IL17RA: variants seen among roughly 807,000 people sequenced by gnomAD.
The protein encoded by IL17RA is interleukin-17 receptor A.
A neutral mutation model predicts 50.4 loss-of-function variants in IL17RA; 34 were observed. That is an observed-to-expected ratio of 0.67 (90% CI 0.51 to 0.90). The LOEUF (loss-of-function observed/expected upper bound fraction) is 0.90, where lower values mean the gene tolerates loss of function less well. IL17RA is among the 40% of genes least tolerant of loss of function. IL17RA has a pLI of 0.00. For synonymous variants in IL17RA, 585 were observed against 510.4 expected (o/e 1.15, Z -1.97); for missense variants, 1,276 against 1,169.8 (o/e 1.09, Z -1.32).
chr22:17,115,403 T>C lies in IL17RA; in HGVS notation c.*5583T>C, dbSNP rs1417162905. Reference sequence around the variant, plus strand: ...TAAATAATGACATAGTTCCAGTTGATGGCCAAAGCCACAGCTAACGAGAGG... The same window carrying C: ...TAAATAATGACATAGTTCCAGTTGACGGCCAAAGCCACAGCTAACGAGAGG... On this transcript the variant is annotated 3_prime_UTR_variant, in exon 13 of 13. Transcript: ENST00000319363. 6.6e-6 allele frequency: 1 copy of C among 152,260 alleles called. No individual in the cohort carries two copies. Among genetic ancestry groups the C allele is most frequent in the Non-Finnish European group, 1.5e-5 (1 of 68,046 alleles). The allele number at this position is 152,260 out of a possible 1,614,324, so 9.4% of individuals were successfully genotyped here. A position where few individuals can be genotyped will look rare whatever the true frequency, so the allele number is the denominator to read the frequency against.
intron 8 of IL17RA, 123 bp downstream of exon 8, chr22:17,103,700 T>G (rs2061400402): frequency 2.6e-6 from 2 of 768,982 alleles, no homozygotes; most frequent in East Asian, 2.8e-5. Context: ...TGTGCACAGG[T>G]GGAGAGAGTG....
rs1223441618 is a variant in IL17RA, at chr22:17,109,197, C to T, written c.1978C>T (p.Pro660Ser). ...ACCTCACCTGCAGCCCCGGGGTCAG[C>T]CAGCGCCGCAGCCCCTCCACACCCT... Reference protein sequence around the residue: ...LEPHLQPRGQPAPQPLHTLVL... With the variant: ...LEPHLQPRGQSAPQPLHTLVL... Residue 660 changes from proline to serine, a missense_variant, in exon 13 of 13, where the codon CCA (proline) becomes TCA (serine). Pro to Ser is a moderately conservative substitution (Grantham distance 74). Coordinates refer to ENST00000319363, the MANE Select transcript of IL17RA (RefSeq NM_014339.7). The T allele has an allele frequency of 1.3e-6, 2 of 1,512,298 alleles. No homozygotes were observed. Among genetic ancestry groups the T allele is most frequent in the Non-Finnish European group, 1.8e-6 (2 of 1,135,464 alleles). The allele number at this position is 1,512,298 out of a possible 1,614,324, so 93.7% of individuals were successfully genotyped here. A position where few individuals can be genotyped will look rare whatever the true frequency, so the allele number is the denominator to read the frequency against.
At position 17,114,494 on chromosome 22, in the gene IL17RA, C is replaced by T. The variant is rs1035685615; in HGVS notation, c.*4674C>T. 1 of 152,276 alleles carries T rather than the reference C, an allele frequency of 6.6e-6. No individual in the cohort carries two copies. Among genetic ancestry groups the T allele is most frequent in the African/African-American group, 2.4e-5 (1 of 41,416 alleles). 9.4% of individuals were successfully genotyped at this position (152,276 alleles called of 1,614,324 possible). A position where few individuals can be genotyped will look rare whatever the true frequency, so the allele number is the denominator to read the frequency against. On this transcript the variant is annotated 3_prime_UTR_variant, in exon 13 of 13. Coordinates refer to ENST00000319363, the MANE Select transcript of IL17RA (RefSeq NM_014339.7). ...GGAGTCCTTCCCAGGAGGAATAACCCCTTAGGTCATTGACTATAAGATGAG... is the reference window on the plus strand; with the variant it reads ...GGAGTCCTTCCCAGGAGGAATAACCTCTTAGGTCATTGACTATAAGATGAG...
At chr22:17,092,829 AATG>A (rs2061352735) in intron 1 of IL17RA, among the ~76,000 whole-genome samples, 1 of 152,012 alleles carries the variant, frequency 6.6e-6, no homozygotes, top group Non-Finnish European at 1.5e-5. Context: ...TTGAATCTCT[AATG>A]ATCATATATT....
chr22:17,104,643 C>G, intron 8 of IL17RA, 83 bp from the exon 9 acceptor site: 1 of 1,256,154 alleles, frequency 8.0e-7, no homozygotes, highest in Non-Finnish European at 1.2e-6. Context: ...CCAGGATCCC[C>G]TCCTCTCACA....
At chr22:17,085,391 G>T in intron 1 of IL17RA, 162 bp downstream of exon 1, 3 of 913,254 alleles carry the variant, frequency 3.3e-6, no homozygotes, top group Non-Finnish European at 3.9e-6. Flanking sequence ...ATATCGCGGC[G>T]CCTGGGGAGG....
rs1056749955 is a variant in IL17RA, at chr22:17,111,108, G to C, written c.*1288G>C. The C allele has an allele frequency of 1.3e-5, 2 of 152,084 alleles. No homozygotes were observed. Among genetic ancestry groups the C allele is most frequent in the Non-Finnish European group, 2.9e-5 (2 of 68,066 alleles). 9.4% of individuals were successfully genotyped at this position (152,084 alleles called of 1,614,324 possible). On this transcript the variant is annotated 3_prime_UTR_variant, in exon 13 of 13. Coordinates refer to ENST00000319363, the MANE Select transcript of IL17RA (RefSeq NM_014339.7). ...GTGGGGGGATGTCGCCAGAGCTCAG[G>C]GGTGGGGACAGCCTTGTGCGCATCA...
chr22:17,097,778 G>T lies in IL17RA; in HGVS notation c.164-19G>T. 9 of 1,613,976 alleles carry T rather than the reference G, an allele frequency of 5.6e-6. No individual in the cohort carries two copies. Among genetic ancestry groups the T allele is most frequent in the Non-Finnish European group, 7.6e-6 (9 of 1,180,044 alleles). On this transcript the variant is annotated intron_variant, in intron 2 of 12. Coordinates refer to ENST00000319363, the MANE Select transcript of IL17RA (RefSeq NM_014339.7). ...TCTCGGCTATAAGTCTCTGAATGTT[G>T]CTTTTCCCTGGCTGCCAGGTACCTG...
rs151315255 is a variant in IL17RA, at chr22:17,108,332, C to T, written c.1113C>T (p.Ile371=). 1.9e-6 allele frequency: 3 copies of T among 1,613,782 alleles called. No homozygotes were observed. The highest frequency in any genetic ancestry group is 1.7e-5 in the Admixed American group (1 of 60,004). Residue 371 remains isoleucine, a synonymous_variant, in exon 13 of 13, where the codon ATC becomes ATT. Coordinates refer to ENST00000319363, the MANE Select transcript of IL17RA (RefSeq NM_014339.7). ...YTDGLPAADL[I]PPPLKPRKVW... is the part of the protein sequence containing the mutation. The stretch of plus-strand genomic sequence containing the variant: ...ATGGCCTGCCTGCGGCTGACCTGAT[C>T]CCCCCACCGCTGAAGCCCAGGAAGG...
chr22:17,090,899 T>C (rs2061345605), intron 1 of IL17RA, among the ~76,000 whole-genome samples: 1 of 152,136 alleles, frequency 6.6e-6, no homozygotes, highest in Admixed American at 6.5e-5. Flanking sequence ...ATGTAACTAG[T>C]CTTAGTTTTG....
At position 17,108,354 on chromosome 22, in the gene IL17RA, A is replaced by G; in HGVS notation, c.1135A>G (p.Lys379Glu). Reference protein sequence around the residue: ...DLIPPPLKPRKVWIIYSADHP... With the variant: ...DLIPPPLKPREVWIIYSADHP... ...GATCCCCCCACCGCTGAAGCCCAGG[A>G]AGGTCTGGATCATCTACTCAGCCGA... The change falls in exon 13 of 13, where the codon AAG becomes GAG. Residue 379 changes from lysine to glutamate, a missense_variant. Coordinates refer to ENST00000319363, the MANE Select transcript of IL17RA (RefSeq NM_014339.7). The G allele has an allele frequency of 6.2e-7, 1 of 1,614,112 alleles. No individual in the cohort carries two copies. Among genetic ancestry groups the G allele is most frequent in the Non-Finnish European group, 8.5e-7 (1 of 1,180,008 alleles).
chr22:17,108,268 C>G lies in IL17RA; in HGVS notation c.1088-39C>G, dbSNP rs199993535. On this transcript the variant is annotated intron_variant, in intron 12 of 12. Transcript: ENST00000319363. ...GGCAGGCACAGAGCTGCCCTGGGCC[C>G]TGGGGTGAGGGTCAGCATGTGTGGT... 1.4e-4 allele frequency: 229 copies of G among 1,607,810 alleles called. 1 individual carries two copies. Among genetic ancestry groups the G allele is most frequent in the Non-Finnish European group, 9.4e-6 (11 of 1,175,570 alleles).
At position 17,098,750 on chromosome 22, in the gene IL17RA, GTCTTC is replaced by G. The variant is rs774547631; in HGVS notation, c.311-17_311-13del. The G allele has an allele frequency of 1.3e-5, 20 of 1,591,832 alleles. No individual in the cohort carries two copies. The African/African-American group carries it at 1.6e-4, about 13-fold the overall frequency. ...TGTCTTGGCTGATCTGCATCTGTTT[GTCTTC>G]TCTTCTCCCTCTCCTGCAGCCAGCA... On this transcript the variant is annotated intron_variant, in intron 3 of 12. Coordinates refer to ENST00000319363, the MANE Select transcript of IL17RA (RefSeq NM_014339.7).
chr22:17,093,146 T>A (rs1003799019), intron 1 of IL17RA, among the ~76,000 whole-genome samples: 17 of 152,208 alleles, frequency 1.1e-4, no homozygotes, highest in Non-Finnish European at 8.8e-5. Context: ...CTCAAATATC[T>A]GGTACTCCTT....
Position 17,085,245 on chromosome 22 carries a change from G to T in IL17RA, c.138+16G>T. ...CTCCCAGCCGGTGAGACTCGACGTG[G>T]GGAGCGGTAGCCGCCAGGATGCTGC... On this transcript the variant is annotated intron_variant, in intron 1 of 12. Transcript: ENST00000319363. 1 of 1,538,018 alleles carries T rather than the reference G, an allele frequency of 6.5e-7. No individual in the cohort carries two copies. The highest frequency in any genetic ancestry group is 1.2e-5 in the South Asian group (1 of 83,408).
chr22:17,109,698 C>A lies in IL17RA; in HGVS notation c.2479C>A (p.Pro827Thr). The change falls in exon 13 of 13, where the codon CCA becomes ACA. Residue 827 changes from proline (P) to threonine (T), a missense_variant. By Grantham distance (38) the Pro-to-Thr change is conservative. Transcript: ENST00000319363. Reference protein sequence around the residue: ...EEQDPGKPALPLSPEDLESLR... With the variant: ...EEQDPGKPALTLSPEDLESLR... The stretch of plus-strand genomic sequence containing the variant: ...GCAGGACCCAGGGAAGCCGGCCCTG[C>A]CACTCTCTCCCGAGGACCTGGAGAG... The A allele has an allele frequency of 5.6e-6, 9 of 1,593,720 alleles. No individual in the cohort carries two copies. Among genetic ancestry groups the A allele is most frequent in the Non-Finnish European group, 7.7e-6 (9 of 1,171,064 alleles).
At chr22:17,107,100 C>T (rs2061417887) in intron 11 of IL17RA, among the ~76,000 whole-genome samples, 1 of 152,192 alleles carries the variant, frequency 6.6e-6, no homozygotes, top group Non-Finnish European at 1.5e-5. Flanking sequence ...GTTTTTTCAT[C>T]ACATCTCTGA....
chr22:17,090,243 C>T (rs1321131412), intron 1 of IL17RA, among the ~76,000 whole-genome samples: 1 of 152,108 alleles, frequency 6.6e-6, no homozygotes, highest in African/African-American at 2.4e-5. Context: ...AGGCCAGTCT[C>T]GAACTCCTGA....
rs2061457245 is a variant in IL17RA at position 17,114,144 on chromosome 22, A to G, written c.*4324A>G. 1 of 152,202 alleles carries G rather than the reference A, an allele frequency of 6.6e-6. No homozygotes were observed. Among genetic ancestry groups the G allele is most frequent in the Non-Finnish European group, 1.5e-5 (1 of 68,038 alleles). 9.4% of individuals were successfully genotyped at this position (152,202 alleles called of 1,614,324 possible). A position where few individuals can be genotyped will look rare whatever the true frequency, so the allele number is the denominator to read the frequency against. On this transcript the variant is annotated 3_prime_UTR_variant, in exon 13 of 13. Coordinates refer to ENST00000319363, the MANE Select transcript of IL17RA (RefSeq NM_014339.7). ...TGGATTCCATGGGTATATTTTATAG[A>G]AGAATATGAAGAAAAGCAGCTACCC... is the stretch of plus-strand genomic sequence containing the variant.
Sources: allele counts gnomAD v4.1 joint callset (sites outside exome capture counted in the v4.1 genomes callset), GRCh38; gene constraint gnomAD v4.1.1; transcripts MANE v1.5; gene names NCBI Gene and HGNC (gene_info 2026-07-23, HGNC 2026-07-21).